Variants in LARP1 observed in about 807,000 individuals in gnomAD.
LARP1 encodes La ribonucleoprotein 1, translational regulator.
In LARP1, 36 loss-of-function variants were observed where a neutral mutation model predicts 122.7. The observed-to-expected ratio is 0.29, with a 90% CI of 0.22 to 0.39. The LOEUF is 0.39. Ranked by LOEUF, LARP1 falls within the 10% of genes least tolerant of loss-of-function variation. The pLI, the probability that LARP1 is intolerant of heterozygous loss-of-function variation, is 1.00. For synonymous variants in LARP1, 539 were observed against 528.7 expected, an observed-to-expected ratio of 1.02 and a Z score of -0.27; for missense variants, 1,040 against 1,403.6, an observed-to-expected ratio of 0.74 and a Z score of 4.14.
intron 1 of LARP1, among the ~76,000 whole-genome samples, chr5:154,748,025 T>G (rs1753295487): frequency 6.6e-6 from 1 of 152,192 alleles, no homozygotes; most frequent in Non-Finnish European, 1.5e-5. Flanking sequence ...TTCTTTTTTA[T>G]TTTTCTTACA....
chr5:154,744,898 A>C (rs1196099243), intron 1 of LARP1, among the ~76,000 whole-genome samples: 1 of 136,290 alleles, frequency 7.3e-6, no homozygotes, highest in Non-Finnish European at 1.5e-5. Flanking sequence ...CGGCCTCCCA[A>C]AGTGCTGGGA....
chr5:154,725,014 CA>C (rs552677375), intron 1 of LARP1, among the ~76,000 whole-genome samples: 28 of 152,278 alleles, frequency 1.8e-4, no homozygotes, highest in African/African-American at 6.5e-4. Flanking sequence ...TGTTGCCTCA[CA>C]CCTGTAATCC....
chr5:154,702,981 C>T (rs190271029), intron 1 of LARP1, among the ~76,000 whole-genome samples: 36 of 151,990 alleles, frequency 2.4e-4, no homozygotes, highest in Admixed American at 6.6e-4. Flanking sequence ...ATTAGCCGGG[C>T]GTGGTGGCGC....
At chr5:154,771,117 A>G (rs978461324) in intron 1 of LARP1, among the ~76,000 whole-genome samples, 1 of 101,344 alleles carries the variant, frequency 9.9e-6, no homozygotes, top group African/African-American at 5.0e-5. Context: ...GTCTCAAAAG[A>G]AAAAAAAAAA....
rs946585943 is a variant in LARP1, at chr5:154,817,426, T to A, written c.*3330T>A. ...TATCATATTTAAAAGGACAAAAAAATGTAAAATACTTGAATGAGCTTGTAT... is the reference window on the plus strand; with the variant it reads ...TATCATATTTAAAAGGACAAAAAAAAGTAAAATACTTGAATGAGCTTGTAT... On this transcript the variant is annotated 3_prime_UTR_variant, in exon 19 of 19. Coordinates refer to ENST00000518297, the MANE Select transcript of LARP1 (RefSeq NM_033551.3). 6.5e-6 allele frequency: 1 copy of A among 152,780 alleles called. No homozygotes were observed. The highest frequency in any genetic ancestry group is 1.5e-5 in the Non-Finnish European group (1 of 68,038). The allele number at this position is 152,780 out of a possible 1,614,324, so 9.5% of individuals were successfully genotyped here. A position where few individuals can be genotyped will look rare whatever the true frequency, so the allele number is the denominator to read the frequency against.
chr5:154,792,209 C>T (rs1757403049), intron 3 of LARP1, among the ~76,000 whole-genome samples: 1 of 152,202 alleles, frequency 6.6e-6, no homozygotes, highest in Non-Finnish European at 1.5e-5. Context: ...TTGTTCTGGC[C>T]AGTGGCTTAG....
At chr5:154,699,360 G>A (rs1329228974) in intron 1 of LARP1, among the ~76,000 whole-genome samples, 2 of 152,038 alleles carry the variant, frequency 1.3e-5, no homozygotes, top group African/African-American at 4.8e-5. Context: ...TAAGGCCATG[G>A]GCTCTGCATT....
At chr5:154,701,268 C>T (rs1754699393) in intron 1 of LARP1, among the ~76,000 whole-genome samples, 1 of 152,194 alleles carries the variant, frequency 6.6e-6, no homozygotes, top group Non-Finnish European at 1.5e-5. Context: ...CTGGGAATCC[C>T]TCCAGATCCT....
In LARP1 at chr5:154,811,402, T is replaced by C; in HGVS notation, c.2953+46T>C. On this transcript the variant is annotated intron_variant, in intron 17 of 18. Coordinates refer to ENST00000518297, the MANE Select transcript of LARP1 (RefSeq NM_033551.3). ...TGAGTGAGGCCTGGTCATGTAGGCC[T>C]CCTCTTCCCCAGTTGGACCTGGGTC... is the stretch of plus-strand genomic sequence containing the variant. 4 of 1,607,932 alleles carry C rather than the reference T, an allele frequency of 2.5e-6. No homozygotes were observed. In the South Asian group the frequency reaches 4.4e-5, roughly 18 times the overall value.
At chr5:154,778,107 A>G (rs1486710425) in intron 1 of LARP1, among the ~76,000 whole-genome samples, 1 of 152,048 alleles carries the variant, frequency 6.6e-6, no homozygotes, top group Non-Finnish European at 1.5e-5. Flanking sequence ...TAAAAATACA[A>G]AAATTAGCTG....
At chr5:154,790,609 C>T (rs753436651) in intron 2 of LARP1, 36 bp from the exon 3 acceptor site, 3 of 1,609,092 alleles carry the variant, frequency 1.9e-6, no homozygotes, top group South Asian at 2.2e-5. Context: ...AAGACAGGGT[C>T]ACTCCTGGGG....
rs200469699 is a variant in LARP1, at chr5:154,799,794, C to G, written c.1546+35C>G. 2.0e-4 allele frequency: 315 copies of G among 1,612,788 alleles called. 5 individuals carry two copies. The African/African-American group carries it at 3.4e-3, about 17-fold the overall frequency. On this transcript the variant is annotated intron_variant, in intron 9 of 18. Transcript: ENST00000518297. ...TGCTGGCATGAAGATTGCCCTTGTCCTCTGGGCAACAGTCCTCCTCAGGGC... is the reference window on the plus strand; with the variant it reads ...TGCTGGCATGAAGATTGCCCTTGTCGTCTGGGCAACAGTCCTCCTCAGGGC...
chr5:154,800,130 T>C, intron 10 of LARP1, 88 bp downstream of exon 10: 1 of 1,209,178 alleles, frequency 8.3e-7, no homozygotes, highest in South Asian at 1.5e-5. Flanking sequence ...GCACTCTAGC[T>C]CTGAGGGGCC....
At chr5:154,796,579 T>TG (rs1561616996) in intron 8 of LARP1, among the ~76,000 whole-genome samples, 1 of 152,168 alleles carries the variant, frequency 6.6e-6, no homozygotes, top group Non-Finnish European at 1.5e-5. Context: ...TTCCCCTCCT[T>TG]GTCAAGAATA....
chr5:154,809,168 A>T (rs1253097632), intron 16 of LARP1, among the ~76,000 whole-genome samples: 1 of 151,832 alleles, frequency 6.6e-6, no homozygotes, highest in Admixed American at 6.6e-5. Context: ...TATTAAAAAA[A>T]CCTTGAGTCC....
At chr5:154,736,178 C>A (rs1241128845) in intron 1 of LARP1, among the ~76,000 whole-genome samples, 3 of 151,542 alleles carry the variant, frequency 2.0e-5, no homozygotes, top group Non-Finnish European at 2.9e-5. Flanking sequence ...CTCACTGTAA[C>A]CTCTACCTCC....
rs1335884542 is a variant in LARP1 at position 154,816,872 on chromosome 5, C to T, written c.*2776C>T. The T allele has an allele frequency of 1.3e-5, 2 of 152,268 alleles. No individual in the cohort carries two copies. The highest frequency in any genetic ancestry group is 2.9e-5 in the Non-Finnish European group (2 of 68,078). 9.4% of individuals were successfully genotyped at this position (152,268 alleles called of 1,614,324 possible). A position where few individuals can be genotyped will look rare whatever the true frequency, so the allele number is the denominator to read the frequency against. ...TTAAGGGGCAGGTTTCTCTTTAGCCCTCTTCCTGCACTTGGGAGCAAAGGC... is the reference window on the plus strand; with the variant it reads ...TTAAGGGGCAGGTTTCTCTTTAGCCTTCTTCCTGCACTTGGGAGCAAAGGC... On this transcript the variant is annotated 3_prime_UTR_variant, in exon 19 of 19. Coordinates refer to ENST00000518297, the MANE Select transcript of LARP1 (RefSeq NM_033551.3).
At chr5:154,772,540 T>G (rs2113669551) in intron 1 of LARP1, among the ~76,000 whole-genome samples, 1 of 152,340 alleles carries the variant, frequency 6.6e-6, no homozygotes, top group South Asian at 2.1e-4. Context: ...ACCCTCTATA[T>G]GTTTTTTCCT....
intron 16 of LARP1, among the ~76,000 whole-genome samples, chr5:154,809,627 A>G (rs1047760229): frequency 4.0e-5 from 6 of 151,668 alleles, no homozygotes; most frequent in African/African-American, 1.5e-4. Context: ...ATGTTTGAAC[A>G]TGTCTTTTCC....
Sources: gnomAD v4.1 joint callset for allele counts (sites outside exome capture counted in the v4.1 genomes callset) on GRCh38, gnomAD v4.1.1 for gene constraint, MANE v1.5 for transcripts, NCBI Gene and HGNC (gene_info 2026-07-23, HGNC 2026-07-21) for gene names.